The following PTPN4 variants were observed in gnomAD, a reference collection of about 807,000 sequenced individuals.
The protein encoded by PTPN4 is tyrosine-protein phosphatase non-receptor type 4.
PTPN4 carries 49 observed loss-of-function variants against 135.5 expected under a neutral mutation model. The ratio of observed to expected loss-of-function variants is 0.36; its 90% confidence interval spans 0.29 to 0.46. The LOEUF (loss-of-function observed/expected upper bound fraction) is 0.46, where lower values mean the gene tolerates loss of function less well. Ranked by LOEUF, PTPN4 falls within the 20% of genes least tolerant of loss-of-function variation. The probability of loss-of-function intolerance (pLI) is 1.00; values close to 1 mark genes in which losing one functional copy is unlikely to be tolerated. For synonymous variants in PTPN4, 333 were observed against 369.9 expected (o/e 0.90, Z 1.14); for missense variants, 860 against 1,101.0 (o/e 0.78, Z 3.10).
chr2:119,932,785 C>CT (rs1197825007), intron 14 of PTPN4, among the ~76,000 whole-genome samples: 1 of 152,204 alleles, frequency 6.6e-6, no homozygotes, highest in Non-Finnish European at 1.5e-5. Flanking sequence ...TCCACTCTCA[C>CT]TCTCCTCAAC....
intron 1 of PTPN4, among the ~76,000 whole-genome samples, chr2:119,783,390 T>C (rs1690982412): frequency 6.6e-6 from 1 of 152,220 alleles, no homozygotes; most frequent in Non-Finnish European, 1.5e-5. Flanking sequence ...TATATGTGAT[T>C]GTGACTTCTT....
chr2:119,921,833 A>G (rs1678740808), intron 12 of PTPN4, among the ~76,000 whole-genome samples: 1 of 152,138 alleles, frequency 6.6e-6, no homozygotes, highest in Non-Finnish European at 1.5e-5. Flanking sequence ...ACAAACCCTA[A>G]AGATATTCTT....
intron 12 of PTPN4, among the ~76,000 whole-genome samples, chr2:119,923,818 G>A (rs1015291048): frequency 6.6e-6 from 1 of 152,006 alleles, no homozygotes; most frequent in African/African-American, 2.4e-5. Flanking sequence ...TATAAACTTT[G>A]CCAAAGTAGA....
At chr2:119,976,380 C>G (rs1335987019) in intron 26 of PTPN4, among the ~76,000 whole-genome samples, 1 of 151,794 alleles carries the variant, frequency 6.6e-6, no homozygotes. Flanking sequence ...ATTTTCTTCC[C>G]TTTCTTTTAT....
At chr2:119,949,564 G>A (rs748121113) in intron 18 of PTPN4, among the ~76,000 whole-genome samples, 1 of 152,202 alleles carries the variant, frequency 6.6e-6, no homozygotes, top group African/African-American at 2.4e-5. Context: ...TTTATTGGCC[G>A]GGTGTGATGC....
intron 2 of PTPN4, among the ~76,000 whole-genome samples, chr2:119,824,132 C>G (rs1677111782): frequency 6.6e-6 from 1 of 152,072 alleles, no homozygotes; most frequent in African/African-American, 2.4e-5. Context: ...TTAATGATTT[C>G]TATTTCAATT....
chr2:119,874,169 T>C (rs1171542772), intron 3 of PTPN4, among the ~76,000 whole-genome samples: 1 of 152,174 alleles, frequency 6.6e-6, no homozygotes, highest in Non-Finnish European at 1.5e-5. Context: ...GGCTATAATT[T>C]TTTAAAGATA....
At chr2:119,926,711 G>T (rs748613349) in intron 13 of PTPN4, 45 bp downstream of exon 13, 7 of 1,409,328 alleles carry the variant, frequency 5.0e-6, no homozygotes, top group Non-Finnish European at 5.8e-6. Flanking sequence ...TAAAAAGATG[G>T]ATTGAGTTTA....
chr2:119,854,754 G>A (rs1307294645), intron 2 of PTPN4, among the ~76,000 whole-genome samples: 2 of 152,184 alleles, frequency 1.3e-5, no homozygotes, highest in Non-Finnish European at 2.9e-5. Flanking sequence ...AACCAATTCC[G>A]TAAAGATGAT....
At chr2:119,972,102 AGCTT>A (rs550856794) in intron 26 of PTPN4, among the ~76,000 whole-genome samples, 91 of 152,224 alleles carry the variant, frequency 6.0e-4, no homozygotes, top group Admixed American at 1.6e-3. Flanking sequence ...TTCATTTTCC[AGCTT>A]GATTTAGCTA....
chr2:119,921,267 C>T (rs974074246), intron 12 of PTPN4, among the ~76,000 whole-genome samples: 11 of 152,008 alleles, frequency 7.2e-5, no homozygotes, highest in African/African-American at 2.7e-4. Flanking sequence ...GCCTGGGTGA[C>T]AGAGCAAGAC....
Position 119,945,209 on chromosome 2 carries a change from T to G in PTPN4, c.1484T>G (p.Phe495Cys), listed in dbSNP as rs778471048. Residue 495 changes from phenylalanine (F) to cysteine (C), a missense_variant, in exon 16 of 27, where the codon TTT (phenylalanine) becomes TGT (cysteine). By Grantham distance (205) the Phe-to-Cys change is radical (BLOSUM62 -2). Around this residue, in one of 2 missense-constraint regions of PTPN4, gnomAD observed 684 missense variants for 807.0 expected, o/e 0.85. Coordinates refer to ENST00000263708, the MANE Select transcript of PTPN4 (RefSeq NM_002830.4). ...QDLESHINET[F>C]DIPSSPEKPT... ...CTAGAAAGTCATATTAATGAAACAT[T>G]TGATATTCCATCTTCTCCTGAAAAA... The G allele has an allele frequency of 5.7e-6, 9 of 1,590,630 alleles. No individual in the cohort carries two copies. Among genetic ancestry groups the G allele is most frequent in the South Asian group, 4.7e-5 (4 of 85,262 alleles).
chr2:119,857,709 T>C (rs1677702205), intron 2 of PTPN4, among the ~76,000 whole-genome samples: 1 of 152,218 alleles, frequency 6.6e-6, no homozygotes, highest in Non-Finnish European at 1.5e-5. Context: ...TCCTTAAATT[T>C]TTCTGAGAAT....
intron 2 of PTPN4, among the ~76,000 whole-genome samples, chr2:119,813,113 A>C (rs1232528992): frequency 6.6e-6 from 1 of 152,190 alleles, no homozygotes; most frequent in Non-Finnish European, 1.5e-5. Context: ...GAAGACTCAA[A>C]GGCTGGAGGC....
At chr2:119,860,688 A>G (rs1383969807) in intron 2 of PTPN4, among the ~76,000 whole-genome samples, 1 of 152,156 alleles carries the variant, frequency 6.6e-6, no homozygotes, top group South Asian at 2.1e-4. Flanking sequence ...GCTATTCTCT[A>G]CCATATCCAT....
Position 119,977,200 on chromosome 2 carries a change from T to G in PTPN4, c.*130T>G. The G allele has an allele frequency of 7.4e-7, 1 of 1,349,828 alleles. No individual in the cohort carries two copies. The highest frequency in any genetic ancestry group is 9.6e-7 in the Non-Finnish European group (1 of 1,041,866). 83.6% of individuals were successfully genotyped at this position (1,349,828 alleles called of 1,614,324 possible). On this transcript the variant is annotated 3_prime_UTR_variant, in exon 27 of 27. Transcript: ENST00000263708. ...AGAACTCAAAAAAACTTTGAAAACT[T>G]CAGCACTGTTGCACTTTATGTTTTA...
chr2:119,850,691 T>A lies in PTPN4; in HGVS notation c.139-11845T>A, dbSNP rs1022392285. Among the ~76,000 whole-genome samples, 28 of 152,352 alleles carry A rather than the reference T, an allele frequency of 1.8e-4. 1 individual carries two copies. Among genetic ancestry groups the A allele is most frequent in the African/African-American group, 6.3e-4 (26 of 41,590 alleles). On this transcript the variant is annotated intron_variant, in intron 2 of 26. Coordinates refer to ENST00000263708, the MANE Select transcript of PTPN4 (RefSeq NM_002830.4). ...CTGAGATTGAGTAGACTTTGTGGAA[T>A]AAATGCTGTTTTCTTTGTTACTTTC...
intron 1 of PTPN4, among the ~76,000 whole-genome samples, chr2:119,772,729 G>A (rs889405763): frequency 6.6e-6 from 1 of 152,070 alleles, no homozygotes; most frequent in East Asian, 1.9e-4. Context: ...GGTAGAGACG[G>A]GGTTTCACTG....
At chr2:119,970,234 AT>A (rs1288955420) in intron 26 of PTPN4, among the ~76,000 whole-genome samples, 1 of 151,542 alleles carries the variant, frequency 6.6e-6, no homozygotes, top group Non-Finnish European at 1.5e-5. Flanking sequence ...TAATTTTTGT[AT>A]TTTTAGTAGA....
Sources: gnomAD v4.1 joint callset for allele counts (sites outside exome capture counted in the v4.1 genomes callset) on GRCh38, gnomAD v4.1.1 for gene constraint, gnomAD v4.1.1 regional missense constraint, MANE v1.5 for transcripts, NCBI Gene and HGNC (gene_info 2026-07-23, HGNC 2026-07-21) for gene names.